The following AP1S3 variants were observed in gnomAD, a reference collection of about 807,000 sequenced individuals.
The protein encoded by AP1S3 is AP-1 complex subunit sigma-3.
AP1S3 carries 10 observed loss-of-function variants against 20.9 expected under a neutral mutation model. The ratio of observed to expected loss-of-function variants is 0.48; its 90% confidence interval spans 0.29 to 0.81. The LOEUF (loss-of-function observed/expected upper bound fraction) is 0.81. Among genes scored for constraint, AP1S3 ranks in the 30% least tolerant of loss-of-function variants. The pLI is 0.08. For missense variants in AP1S3, 154 were observed against 183.8 expected (o/e 0.84, Z 0.94); for synonymous variants, 41 against 61.5 (o/e 0.67, Z 1.56).
chr2:223,781,988 T>C (rs1292305665), intron 1 of AP1S3, among the ~76,000 whole-genome samples: 1 of 151,804 alleles, frequency 6.6e-6, no homozygotes, highest in African/African-American at 2.4e-5. Context: ...CTAACTTCAC[T>C]GATTTGGAGA....
intron 1 of AP1S3, among the ~76,000 whole-genome samples, chr2:223,809,844 T>C (rs1484967945): frequency 6.6e-6 from 1 of 150,852 alleles, no homozygotes; most frequent in Non-Finnish European, 1.5e-5. Context: ...TTCTCCTGCC[T>C]CAGCCTCCTG....
intron 1 of AP1S3, among the ~76,000 whole-genome samples, chr2:223,781,764 G>GT (rs1690953102): frequency 6.6e-6 from 1 of 152,044 alleles, no homozygotes; most frequent in South Asian, 2.1e-4. Flanking sequence ...ATCACGGTGC[G>GT]TAAGATTATT....
At chr2:223,805,963 C>T (rs147273109) in intron 1 of AP1S3, among the ~76,000 whole-genome samples, 1 of 152,248 alleles carries the variant, frequency 6.6e-6, no homozygotes, top group African/African-American at 2.4e-5. Context: ...CAGGAGTTGG[C>T]ACTCCACTAA....
At chr2:223,797,762 T>C (rs1489279501) in intron 1 of AP1S3, among the ~76,000 whole-genome samples, 2 of 151,836 alleles carry the variant, frequency 1.3e-5, no homozygotes, top group African/African-American at 4.8e-5. Context: ...CAAAACTCCG[T>C]CTCAAAAAAA....
intron 1 of AP1S3, among the ~76,000 whole-genome samples, chr2:223,803,041 C>T (rs1486673674): frequency 6.6e-6 from 1 of 152,116 alleles, no homozygotes; most frequent in Admixed American, 6.6e-5. Flanking sequence ...CAACCTTTTC[C>T]TATGACTGCT....
chr2:223,834,830 TAAC>T (rs751512972), intron 1 of AP1S3, among the ~76,000 whole-genome samples: 7 of 151,630 alleles, frequency 4.6e-5, no homozygotes, highest in South Asian at 2.1e-4. Flanking sequence ...TTATGACCAA[TAAC>T]AATATTTTTC....
At chr2:223,764,906 G>T (rs1039406775) in intron 4 of AP1S3, among the ~76,000 whole-genome samples, 1 of 152,050 alleles carries the variant, frequency 6.6e-6, no homozygotes, top group Non-Finnish European at 1.5e-5. Flanking sequence ...AAGCCCAATT[G>T]CCTGGGTTCA....
rs1482045373 is a variant in AP1S3, at chr2:223,832,133, C to CTG, written c.3+5314_3+5315insCA. ...CTGGGGATTATTAAAGGAGTTTTCT[C>CTG]TCTGTGTGTGTGTGTGTGTGTGTGT... On this transcript the variant is annotated intron_variant, in intron 1 of 4. Coordinates refer to ENST00000396654, the MANE Select transcript of AP1S3 (RefSeq NM_001039569.2). Among the ~76,000 whole-genome samples the CTG allele has an allele frequency of 2.5e-3, 109 of 43,018 alleles. 4 individuals are homozygous for CTG. The highest frequency in any genetic ancestry group is 5.1e-3 in the African/African-American group (64 of 12,628). The allele number at this position is 43,018 out of a possible 152,430, so 28.2% of individuals were successfully genotyped here.
At chr2:223,799,938 T>C (rs1334901049) in intron 1 of AP1S3, among the ~76,000 whole-genome samples, 1 of 152,096 alleles carries the variant, frequency 6.6e-6, no homozygotes, top group Non-Finnish European at 1.5e-5. Flanking sequence ...TGGCCAGGTG[T>C]GGTGGCTCAC....
At chr2:223,836,366 G>A (rs1692393387) in intron 1 of AP1S3, among the ~76,000 whole-genome samples, 1 of 152,182 alleles carries the variant, frequency 6.6e-6, no homozygotes, top group Non-Finnish European at 1.5e-5. Context: ...CATCAGCAGG[G>A]CTGCGGCCGG....
intron 1 of AP1S3, among the ~76,000 whole-genome samples, chr2:223,779,717 C>T (rs1690877194): frequency 6.6e-6 from 1 of 152,038 alleles, no homozygotes; most frequent in African/African-American, 2.4e-5. Flanking sequence ...CCTGTAATCC[C>T]AGCACTTTGG....
intron 1 of AP1S3, among the ~76,000 whole-genome samples, chr2:223,791,844 C>T (rs937175065): frequency 3.3e-5 from 5 of 152,092 alleles, no homozygotes; most frequent in Admixed American, 3.3e-4. Context: ...TCTCAGGATA[C>T]AAAATGAATG....
chr2:223,758,301 T>C lies in AP1S3; in HGVS notation c.*414A>G. On this transcript the variant is annotated 3_prime_UTR_variant, in exon 5 of 5. Transcript: ENST00000396654. ...ATTATACAATTTAGAAAACTAAACA[T>C]TTAGAAAAAGTATTAATGACATCAT... 1 of 977,416 alleles carries C rather than the reference T, an allele frequency of 1.0e-6. No homozygotes were observed. Among genetic ancestry groups the C allele is most frequent in the Non-Finnish European group, 1.2e-6 (1 of 821,700 alleles). The allele number at this position is 977,416 out of a possible 1,614,324, so 60.5% of individuals were successfully genotyped here. A position where few individuals can be genotyped will look rare whatever the true frequency, so the allele number is the denominator to read the frequency against.
chr2:223,780,975 T>C (rs918268454), intron 1 of AP1S3, among the ~76,000 whole-genome samples: 1 of 151,890 alleles, frequency 6.6e-6, no homozygotes, highest in African/African-American at 2.4e-5. Flanking sequence ...CCAGTGTGTA[T>C]TGCTGCCATC....
At chr2:223,806,649 C>G (rs1691590166) in intron 1 of AP1S3, among the ~76,000 whole-genome samples, 1 of 151,998 alleles carries the variant, frequency 6.6e-6, no homozygotes, top group Non-Finnish European at 1.5e-5. Flanking sequence ...CTTTTATTTT[C>G]TTACAGTCAG....
intron 3 of AP1S3, among the ~76,000 whole-genome samples, chr2:223,767,046 G>A (rs1255043931): frequency 6.6e-6 from 1 of 151,762 alleles, no homozygotes; most frequent in Admixed American, 6.6e-5. Context: ...ACACACCGGA[G>A]TGTGTTGGGG....
At chr2:223,761,100 G>A (rs1055496511) in intron 4 of AP1S3, among the ~76,000 whole-genome samples, 2 of 152,162 alleles carry the variant, frequency 1.3e-5, no homozygotes, top group African/African-American at 4.8e-5. Context: ...AACCAATAAG[G>A]TAAAAGTTGG....
At chr2:223,762,498 C>T (rs540657585) in intron 4 of AP1S3, among the ~76,000 whole-genome samples, 25 of 152,060 alleles carry the variant, frequency 1.6e-4, no homozygotes, top group Admixed American at 5.9e-4. Context: ...GCCTCGAACT[C>T]GTGGCCTCAA....
chr2:223,799,090 G>GA (rs1168720460), intron 1 of AP1S3, among the ~76,000 whole-genome samples: 1 of 152,030 alleles, frequency 6.6e-6, no homozygotes, highest in African/African-American at 2.4e-5. Context: ...AAGAGAGAGA[G>GA]GGAGATAAGA....
Sources: gnomAD v4.1 joint callset for allele counts (sites outside exome capture counted in the v4.1 genomes callset) on GRCh38, gnomAD v4.1.1 for gene constraint, MANE v1.5 for transcripts, NCBI Gene and HGNC (gene_info 2026-07-23, HGNC 2026-07-21) for gene names.